The following LMOD1 variants were observed in gnomAD, a reference collection of about 807,000 sequenced individuals.
LMOD1 encodes the protein leiomodin 1, also known as leiomodin-1.
LMOD1 carries 8 observed loss-of-function variants against 36.5 expected under a neutral mutation model. That is an observed-to-expected ratio of 0.22 (90% CI 0.13 to 0.40). LMOD1 has a LOEUF of 0.40. LMOD1 is among the 10% of genes least tolerant of loss of function. LMOD1 has a pLI of 1.00. For missense variants in LMOD1, 630 were observed against 751.1 expected (o/e 0.84, Z 1.88); for synonymous variants, 284 against 288.7 (o/e 0.98, Z 0.17).
chr1:201,941,872 C>T (rs965514390), intron 1 of LMOD1, among the ~76,000 whole-genome samples: 1 of 152,218 alleles, frequency 6.6e-6, no homozygotes, highest in Non-Finnish European at 1.5e-5. Flanking sequence ...ATCCCCAGCC[C>T]CTGCTAACAC....
chr1:201,902,448 T>G (rs946117485), intron 1 of LMOD1, among the ~76,000 whole-genome samples: 7 of 148,370 alleles, frequency 4.7e-5, no homozygotes, highest in African/African-American at 1.7e-4. Context: ...TTTTTTGGTT[T>G]GTTTGTTTGT....
At chr1:201,900,973 G>A (rs186104974) in intron 1 of LMOD1, among the ~76,000 whole-genome samples, 1 of 152,158 alleles carries the variant, frequency 6.6e-6, no homozygotes, top group East Asian at 1.9e-4. Flanking sequence ...AAGGCCTCAG[G>A]GTTGTGAGAC....
At chr1:201,910,138 C>T (rs1054430291) in intron 1 of LMOD1, among the ~76,000 whole-genome samples, 6 of 152,242 alleles carry the variant, frequency 3.9e-5, no homozygotes, top group Non-Finnish European at 7.3e-5. Context: ...GTGGGCAGAG[C>T]TTGGTGAGGC....
chr1:201,920,030 C>T (rs902768460), intron 1 of LMOD1, among the ~76,000 whole-genome samples: 1 of 150,704 alleles, frequency 6.6e-6, no homozygotes, highest in African/African-American at 2.4e-5. Context: ...TCTCCACCCG[C>T]CACTGGCTCT....
Position 201,899,974 on chromosome 1 carries a change from T to C in LMOD1, c.1039A>G (p.Ile347Val). 6.2e-7 allele frequency: 1 copy of C among 1,613,828 alleles called. No individual in the cohort carries two copies. Among genetic ancestry groups the C allele is most frequent in the East Asian group, 2.2e-5 (1 of 44,870 alleles). The change falls in exon 2 of 3, where the codon ATC becomes GTC. Residue 347 changes from isoleucine (I) to valine (V), a missense_variant. Transcript: ENST00000367288. The surrounding 1 kb of genome is among the most constrained non-coding windows in gnomAD (Gnocchi z 6.3). Reference sequence around the variant, plus strand: ...AGAGCCTCAGTAAACCGGACCAAGATCTCATTTGTGATGCAGTCTGAGTTG... The same window carrying C: ...AGAGCCTCAGTAAACCGGACCAAGACCTCATTTGTGATGCAGTCTGAGTTG... ...VNNSDCITNE[I>V]LVRFTEALEF...
In LMOD1 at chr1:201,946,091, T is replaced by C; in HGVS notation, c.250A>G (p.Met84Val). The change falls in exon 1 of 3, where the codon ATG becomes GTG. Residue 84 changes from methionine (M) to valine (V), a missense_variant. This residue lies in a region of LMOD1 where 405 missense variants were observed against 400.6 expected (regional missense o/e 1.01). Coordinates refer to ENST00000367288, the MANE Select transcript of LMOD1 (RefSeq NM_012134.3). ...CTGTGCTCACTCACATCCATGGACA[T>C]CTCCCTCTGCATAAGTTTCTTGGTC... Reference protein sequence around the residue: ...KETKKLMQREMSMDESKQVET... With the variant: ...KETKKLMQREVSMDESKQVET... 6.2e-7 allele frequency: 1 copy of C among 1,613,760 alleles called. No individual in the cohort carries two copies. The highest frequency in any genetic ancestry group is 1.1e-5 in the South Asian group (1 of 91,078).
chr1:201,919,043 C>G (rs558467482), intron 1 of LMOD1, among the ~76,000 whole-genome samples: 3 of 152,060 alleles, frequency 2.0e-5, no homozygotes, highest in African/African-American at 7.2e-5. Flanking sequence ...CAGGCATGTG[C>G]CACCATGCCT....
chr1:201,918,361 ACT>A (rs1019929393), intron 1 of LMOD1, among the ~76,000 whole-genome samples: 1 of 151,926 alleles, frequency 6.6e-6, no homozygotes, highest in African/African-American at 2.4e-5. Flanking sequence ...CTTTGAGTGC[ACT>A]CTGTCTCCAG....
chr1:201,930,799 G>A (rs1188683722), intron 1 of LMOD1, among the ~76,000 whole-genome samples: 1 of 152,218 alleles, frequency 6.6e-6, no homozygotes, highest in Non-Finnish European at 1.5e-5. Flanking sequence ...TCACAGAGGA[G>A]ATTAAGAAGG....
intron 1 of LMOD1, among the ~76,000 whole-genome samples, chr1:201,937,917 CCTT>C (rs562758070): frequency 7.2e-5 from 11 of 152,114 alleles, no homozygotes; most frequent in African/African-American, 1.4e-4. Flanking sequence ...CCTCCTCCCT[CCTT>C]GTAAACATAA....
chr1:201,931,166 GAGA>G (rs1435636485), intron 1 of LMOD1, among the ~76,000 whole-genome samples: 1 of 152,202 alleles, frequency 6.6e-6, no homozygotes, highest in African/African-American at 2.4e-5. Flanking sequence ...GTGGAGGCAG[GAGA>G]GAAAAGATTC....
intron 1 of LMOD1, among the ~76,000 whole-genome samples, chr1:201,910,274 ATTT>A (rs4025032): frequency 0.26 from 35,682 of 135,860 alleles, 4,442 homozygotes; most frequent in Non-Finnish European, 0.31. Context: ...TCCTATACGC[ATTT>A]TTTTTTTTTT....
chr1:201,940,977 C>A (rs990663950), intron 1 of LMOD1, among the ~76,000 whole-genome samples: 12 of 151,564 alleles, frequency 7.9e-5, no homozygotes, highest in Non-Finnish European at 1.6e-4. Flanking sequence ...GAACTCCCAG[C>A]CTCAGGTGAT....
chr1:201,900,825 G>A (rs1392221634), intron 1 of LMOD1, 74 bp from the exon 2 acceptor site: 1 of 1,344,484 alleles, frequency 7.4e-7, no homozygotes. Flanking sequence ...GGGGATGTGT[G>A]GGGGAGCGCT....
Position 201,896,512 on chromosome 1 carries a change from G to A in LMOD1, c.*1860C>T. On this transcript the variant is annotated 3_prime_UTR_variant, in exon 3 of 3. Coordinates refer to ENST00000367288, the MANE Select transcript of LMOD1 (RefSeq NM_012134.3). ...TGGATATATTAGTTAACCTCTCTGG[G>A]CCAAATTCTATCTGCAAAATAGAAT... The A allele has an allele frequency of 2.2e-6, 1 of 456,714 alleles. No individual in the cohort carries two copies. Among genetic ancestry groups the A allele is most frequent in the South Asian group, 1.5e-5 (1 of 64,570 alleles). The allele number at this position is 456,714 out of a possible 1,614,324, so 28.3% of individuals were successfully genotyped here.
Position 201,946,445 on chromosome 1 carries a change from ACCT to A in LMOD1, c.-108_-106del. The A allele has an allele frequency of 8.2e-7, 1 of 1,213,848 alleles. No individual in the cohort carries two copies. The highest frequency in any genetic ancestry group is 1.2e-6 in the Non-Finnish European group (1 of 863,752). 75.2% of individuals were successfully genotyped at this position (1,213,848 alleles called of 1,614,324 possible). On this transcript the variant is annotated 5_prime_UTR_variant, in exon 1 of 3. Transcript: ENST00000367288. Reference sequence around the variant, plus strand: ...ATGCAGCGAGTGGGCTGAGGAGCAAACCTCCTGCTGGTCGAGGACTGCAGCTCC... The same window carrying A: ...ATGCAGCGAGTGGGCTGAGGAGCAAACCTGCTGGTCGAGGACTGCAGCTCC...
chr1:201,898,286 G>A lies in LMOD1; in HGVS notation c.*86C>T, dbSNP rs1365548951. Reference sequence around the variant, plus strand: ...GGGACATCCACAGCAGGTCAGCCAGGGATGGGGTGGGCAGGGTCTGTGTAG... The same window carrying A: ...GGGACATCCACAGCAGGTCAGCCAGAGATGGGGTGGGCAGGGTCTGTGTAG... On this transcript the variant is annotated 3_prime_UTR_variant, in exon 3 of 3. Coordinates refer to ENST00000367288, the MANE Select transcript of LMOD1 (RefSeq NM_012134.3). 2 of 1,406,100 alleles carry A rather than the reference G, an allele frequency of 1.4e-6. No individual in the cohort carries two copies. Among genetic ancestry groups the A allele is most frequent in the Non-Finnish European group, 2.0e-6 (2 of 1,006,204 alleles). The allele number at this position is 1,406,100 out of a possible 1,614,324, so 87.1% of individuals were successfully genotyped here. A position where few individuals can be genotyped will look rare whatever the true frequency, so the allele number is the denominator to read the frequency against.
At chr1:201,925,922 C>T (rs1681820269) in intron 1 of LMOD1, among the ~76,000 whole-genome samples, 1 of 152,008 alleles carries the variant, frequency 6.6e-6, no homozygotes, top group African/African-American at 2.4e-5. Context: ...CTGTGTTGCC[C>T]AGGCTGGTCT....
At chr1:201,900,800 G>C in intron 1 of LMOD1, 49 bp from the exon 2 acceptor site, 2 of 1,495,932 alleles carry the variant, frequency 1.3e-6, no homozygotes, top group South Asian at 2.6e-5. Flanking sequence ...GCTACAGAGG[G>C]AGAGGAATGA....
Sources: allele counts gnomAD v4.1 joint callset (sites outside exome capture counted in the v4.1 genomes callset), GRCh38; gene constraint gnomAD v4.1.1; regional missense constraint gnomAD v4.1.1; non-coding constraint Gnocchi (gnomAD v3.1); transcripts MANE v1.5; gene names NCBI Gene and HGNC (gene_info 2026-07-23, HGNC 2026-07-21).